The following LRMDA variants were observed in gnomAD, a reference collection of about 807,000 sequenced individuals.
LRMDA encodes leucine rich melanocyte differentiation associated.
In LRMDA, 18 loss-of-function variants were observed where a neutral mutation model predicts 29.8. The observed-to-expected ratio is 0.60, with a 90% CI of 0.42 to 0.90. The LOEUF is 0.90. LRMDA is among the 40% of genes least tolerant of loss of function. The probability of loss-of-function intolerance (pLI) is 0.00; values close to 1 mark genes in which losing one functional copy is unlikely to be tolerated. For synonymous variants in LRMDA, 125 were observed against 109.4 expected (o/e 1.14, Z -0.89); for missense variants, 273 against 273.9 (o/e 1.00, Z 0.02).
At chr10:76,209,840 T>C (rs888908991) in intron 5 of LRMDA, among the ~76,000 whole-genome samples, 18 of 152,144 alleles carry the variant, frequency 1.2e-4, no homozygotes, top group African/African-American at 3.6e-4. Context: ...CAGGGAGAGA[T>C]GGCAGGATGC....
At chr10:75,593,102 G>T (rs1840744121) in intron 2 of LRMDA, among the ~76,000 whole-genome samples, 2 of 152,178 alleles carry the variant, frequency 1.3e-5, no homozygotes, top group South Asian at 4.1e-4. Context: ...ATGCGGAAAA[G>T]AGTCAACCTG....
At chr10:76,185,784 G>T (rs913361349) in intron 5 of LRMDA, among the ~76,000 whole-genome samples, 67 of 152,150 alleles carry the variant, frequency 4.4e-4, no homozygotes, top group Admixed American at 4.0e-3. Context: ...GTACAAATAT[G>T]CTCAAAGTAC....
intron 2 of LRMDA, among the ~76,000 whole-genome samples, chr10:75,711,527 G>A (rs763369221): frequency 6.6e-6 from 1 of 152,048 alleles, no homozygotes; most frequent in Non-Finnish European, 1.5e-5. Context: ...TCATAGTTGT[G>A]TAAATAGTTT....
chr10:75,625,401 G>C (rs758973085), intron 2 of LRMDA, among the ~76,000 whole-genome samples: 2 of 152,150 alleles, frequency 1.3e-5, no homozygotes, highest in Non-Finnish European at 2.9e-5. Context: ...CATAAAGCCC[G>C]AGAGTCCGTT....
chr10:76,210,590 C>T (rs370761462), intron 5 of LRMDA, among the ~76,000 whole-genome samples: 9 of 152,112 alleles, frequency 5.9e-5, no homozygotes, highest in Middle Eastern at 3.4e-3. Flanking sequence ...ATTGAAATGG[C>T]GGTGGCCAAT....
intron 2 of LRMDA, among the ~76,000 whole-genome samples, chr10:75,907,054 T>C (rs939395847): frequency 6.6e-6 from 1 of 152,224 alleles, no homozygotes; most frequent in African/African-American, 2.4e-5. Flanking sequence ...GCATTCAAAC[T>C]CTTGGACGTA....
chr10:76,460,562 C>G (rs148525085), intron 6 of LRMDA, among the ~76,000 whole-genome samples: 70 of 152,306 alleles, frequency 4.6e-4, no homozygotes, highest in African/African-American at 1.5e-3. Context: ...CATGATTTAG[C>G]TATTTTTCTC....
intron 6 of LRMDA, among the ~76,000 whole-genome samples, chr10:76,361,016 T>G (rs949796015): frequency 3.9e-5 from 6 of 152,116 alleles, no homozygotes; most frequent in African/African-American, 1.4e-4. Context: ...ATCTGAGCAC[T>G]TTGGGAGGCT....
intron 2 of LRMDA, among the ~76,000 whole-genome samples, chr10:75,520,808 T>C (rs1845347521): frequency 6.6e-6 from 1 of 152,222 alleles, no homozygotes. Context: ...TTTCTCTCCA[T>C]CTTTATGGTT....
chr10:76,164,995 G>A (rs12262061), intron 5 of LRMDA, among the ~76,000 whole-genome samples: 6 of 152,146 alleles, frequency 3.9e-5, no homozygotes, highest in South Asian at 2.1e-4. Context: ...TTATTGAGAC[G>A]AAGTCTTGCT....
At chr10:76,012,996 C>T (rs961567075) in intron 2 of LRMDA, among the ~76,000 whole-genome samples, 1 of 151,956 alleles carries the variant, frequency 6.6e-6, no homozygotes, top group African/African-American at 2.4e-5. Flanking sequence ...AAAGCGATTT[C>T]TTTGCGGGAG....
intron 2 of LRMDA, among the ~76,000 whole-genome samples, chr10:75,627,254 C>G (rs1841262595): frequency 6.6e-6 from 1 of 151,936 alleles, no homozygotes; most frequent in Non-Finnish European, 1.5e-5. Flanking sequence ...TTCAGACACA[C>G]AGTGTGATTT....
intron 5 of LRMDA, among the ~76,000 whole-genome samples, chr10:76,276,001 T>G (rs1840126246): frequency 6.9e-6 from 1 of 144,848 alleles, no homozygotes; most frequent in Non-Finnish European, 1.5e-5. Flanking sequence ...TGAGACAATC[T>G]AGTGAATCTA....
At position 76,465,496 on chromosome 10, in the gene LRMDA, T is replaced by A. The variant is rs1240790886; in HGVS notation, c.602-91713T>A. ...CACTATCCACAGTGACCCATAGCAA[T>A]AAAGTTAATTTCAATACAACTACCT... On this transcript the variant is annotated intron_variant, in intron 6 of 6. Coordinates refer to ENST00000611255, the MANE Select transcript of LRMDA (RefSeq NM_001305581.2). 2.0e-5 allele frequency among the ~76,000 whole-genome samples: 3 copies of A among 152,118 alleles called. No homozygotes were observed. In the East Asian group the frequency reaches 5.8e-4, roughly 29 times the overall value.
At chr10:76,000,893 C>T (rs945590062) in intron 2 of LRMDA, among the ~76,000 whole-genome samples, 2 of 152,140 alleles carry the variant, frequency 1.3e-5, no homozygotes, top group Non-Finnish European at 1.5e-5. Context: ...CTTCCCGCTT[C>T]TCCACCATAA....
intron 6 of LRMDA, among the ~76,000 whole-genome samples, chr10:76,518,246 A>T (rs959272406): frequency 6.6e-6 from 1 of 151,610 alleles, no homozygotes; most frequent in Non-Finnish European, 1.5e-5. Context: ...CTATCTACCT[A>T]CCTACCTACC....
chr10:76,533,165 GA>G (rs1843253915), intron 6 of LRMDA, among the ~76,000 whole-genome samples: 1 of 152,140 alleles, frequency 6.6e-6, no homozygotes, highest in African/African-American at 2.4e-5. Flanking sequence ...GAGAGAGCGA[GA>G]GAGAGAATGA....
chr10:75,490,675 T>C (rs570910584), intron 2 of LRMDA, among the ~76,000 whole-genome samples: 2 of 152,312 alleles, frequency 1.3e-5, no homozygotes, highest in Admixed American at 6.5e-5. Flanking sequence ...AGTTGATTAG[T>C]TCAGGGATTG....
At chr10:76,196,578 T>A (rs1327230763) in intron 5 of LRMDA, among the ~76,000 whole-genome samples, 1 of 152,198 alleles carries the variant, frequency 6.6e-6, no homozygotes, top group Non-Finnish European at 1.5e-5. Context: ...ATTTATCAAG[T>A]GGCTAGTTAT....
Sources: gnomAD v4.1 joint callset for allele counts (sites outside exome capture counted in the v4.1 genomes callset) on GRCh38, gnomAD v4.1.1 for gene constraint, MANE v1.5 for transcripts, NCBI Gene and HGNC (gene_info 2026-07-23, HGNC 2026-07-21) for gene names.